SLC25A53: variants seen among roughly 807,000 people sequenced by gnomAD.
SLC25A53 encodes mitochondrial carrier triple repeat protein 6.
In SLC25A53, 5 loss-of-function variants were observed where a neutral mutation model predicts 15.0. That is an observed-to-expected ratio of 0.33 (90% CI 0.17 to 0.70). The LOEUF (loss-of-function observed/expected upper bound fraction) is 0.70, where lower values mean the gene tolerates loss of function less well. SLC25A53 is among the 30% of genes least tolerant of loss of function. SLC25A53 has a pLI of 0.67. For missense variants in SLC25A53, 216 were observed against 241.6 expected (o/e 0.89, Z 0.70); for synonymous variants, 95 against 100.0 (o/e 0.95, Z 0.30).
At chrX:104,118,041 A>G (rs1186987399) in intron 1 of SLC25A53, among the ~76,000 whole-genome samples, 1 of 112,031 alleles carries the variant, frequency 8.9e-6, no homozygotes, top group Admixed American at 9.4e-5. Flanking sequence ...TGCAAAAGTG[A>G]GACTTTTTAT....
chrX:104,151,217 T>C (rs2075483899), intron 1 of SLC25A53, among the ~76,000 whole-genome samples: 1 of 111,504 alleles, frequency 9.0e-6, no homozygotes, highest in Admixed American at 9.6e-5. Flanking sequence ...ACAGCTGCCC[T>C]GTCCCCAGCA....
chrX:104,115,113 T>C, intron 1 of SLC25A53: 19 of 1,203,273 alleles, frequency 1.6e-5, no homozygotes, highest in Non-Finnish European at 2.1e-5. Context: ...ATGATGGTCC[T>C]GGGAATATTC....
chrX:104,134,380 A>G (rs1222197953), intron 1 of SLC25A53, among the ~76,000 whole-genome samples: 2 of 111,437 alleles, frequency 1.8e-5, no homozygotes, highest in South Asian at 3.8e-4. Context: ...CAGAAAGTCC[A>G]TAAGTTATTT....
chrX:104,155,438 T>C (rs1439077739), intron 1 of SLC25A53, among the ~76,000 whole-genome samples: 11 of 111,283 alleles, frequency 9.9e-5, no homozygotes, highest in Non-Finnish European at 1.1e-4. Context: ...GACCTAGCAA[T>C]CTTGGTTTTA....
chrX:104,112,457 G>A (rs1447848103), intron 1 of SLC25A53: 1 of 113,934 alleles, frequency 8.8e-6, no homozygotes, highest in Non-Finnish European at 1.9e-5. Context: ...TAGCTTCGGG[G>A]CCGGAGGCTG....
At chrX:104,123,231 G>A (rs782780066) in intron 1 of SLC25A53, among the ~76,000 whole-genome samples, 1 of 112,607 alleles carries the variant, frequency 8.9e-6, no homozygotes, top group Non-Finnish European at 1.9e-5. Context: ...ATGTGCAGGG[G>A]AAAACAATAT....
At chrX:104,129,309 G>C (rs1158469840) in intron 1 of SLC25A53, among the ~76,000 whole-genome samples, 9 of 111,578 alleles carry the variant, frequency 8.1e-5, no homozygotes, top group African/African-American at 2.9e-4. Context: ...CTGTGTTGCT[G>C]ATTTATTAAC....
At chrX:104,112,417 A>G (rs782800709) in intron 1 of SLC25A53, 2 of 113,938 alleles carry the variant, frequency 1.8e-5, no homozygotes, top group East Asian at 2.8e-4. Context: ...CCCGCCGGCC[A>G]GCCGGCCCGC....
chrX:104,121,427 A>C, intron 1 of SLC25A53, among the ~76,000 whole-genome samples: 1 of 111,123 alleles, frequency 9.0e-6, no homozygotes, highest in Admixed American at 9.6e-5. Flanking sequence ...TTATTTCCTG[A>C]GGATACATTC....
intron 1 of SLC25A53, among the ~76,000 whole-genome samples, chrX:104,107,164 C>T (rs2147862716): frequency 9.0e-6 from 1 of 111,407 alleles, no homozygotes; most frequent in East Asian, 2.8e-4. Flanking sequence ...TCATTTCTAT[C>T]CCCTTTGCTC....
At chrX:104,150,267 A>T (rs2075481095) in intron 1 of SLC25A53, among the ~76,000 whole-genome samples, 1 of 110,194 alleles carries the variant, frequency 9.1e-6, no homozygotes, top group South Asian at 3.9e-4. Flanking sequence ...AAGGTAACCA[A>T]ATGCTTTCAT....
At chrX:104,114,851 C>T (rs1267401816) in intron 1 of SLC25A53, 1 of 1,206,788 alleles carries the variant, frequency 8.3e-7, no homozygotes, top group Non-Finnish European at 1.1e-6. Flanking sequence ...AGCCCTGTGG[C>T]ATTTCAGGGC....
intron 1 of SLC25A53, among the ~76,000 whole-genome samples, chrX:104,145,960 G>A (rs1381100141): frequency 3.6e-5 from 4 of 112,181 alleles, no homozygotes; most frequent in African/African-American, 6.5e-5. Context: ...CTCATTTTAT[G>A]AGGCCAGCAT....
At chrX:104,154,055 G>C (rs2075493293) in intron 1 of SLC25A53, among the ~76,000 whole-genome samples, 1 of 112,213 alleles carries the variant, frequency 8.9e-6, no homozygotes, top group South Asian at 3.7e-4. Context: ...GGGAGAGACA[G>C]CCTACAGATT....
At chrX:104,111,175 C>T (rs1339687025) in intron 1 of SLC25A53, among the ~76,000 whole-genome samples, 3 of 112,374 alleles carry the variant, frequency 2.7e-5, no homozygotes, top group Non-Finnish European at 5.6e-5. Flanking sequence ...ACCTCAGAAT[C>T]AACTACAGGG....
intron 1 of SLC25A53, chrX:104,115,411 C>A: frequency 1.1e-6 from 1 of 895,735 alleles, no homozygotes; most frequent in Non-Finnish European, 1.5e-6. Context: ...TTTCTAACTG[C>A]ATGAATTAAT....
Position 104,156,862 on chromosome X carries a change from A to C in SLC25A53, c.-32+16T>G, listed in dbSNP as rs2075503147. The C allele has an allele frequency of 9.0e-6, 1 of 111,620 alleles. No individual in the cohort carries two copies. The highest frequency in any genetic ancestry group is 9.5e-5 in the Admixed American group (1 of 10,557). The allele number at this position is 111,620 out of a possible 1,213,427, so 9.2% of individuals were successfully genotyped here. A position where few individuals can be genotyped will look rare whatever the true frequency, so the allele number is the denominator to read the frequency against. ...GGATGTGTCTACGCCCTCAGCCCAT[A>C]AGAAGTGCTACAAACCTCCGCCTCG... On this transcript the variant is annotated intron_variant, in intron 1 of 1. Transcript: ENST00000594199.
intron 1 of SLC25A53, among the ~76,000 whole-genome samples, chrX:104,134,154 A>C (rs2075431488): frequency 9.0e-6 from 1 of 111,534 alleles, no homozygotes; most frequent in African/African-American, 3.3e-5. Context: ...GAAACTGTCA[A>C]ATGATAAAGG....
At chrX:104,120,461 T>C (rs2075390070) in intron 1 of SLC25A53, among the ~76,000 whole-genome samples, 1 of 112,300 alleles carries the variant, frequency 8.9e-6, no homozygotes, top group South Asian at 3.6e-4. Context: ...TATACTACTA[T>C]AAATTAAATA....
Sources: allele counts gnomAD v4.1 joint callset (sites outside exome capture counted in the v4.1 genomes callset), GRCh38; gene constraint gnomAD v4.1.1; transcripts MANE v1.5; gene names NCBI Gene and HGNC (gene_info 2026-07-23, HGNC 2026-07-21).